Variants in KIF1A observed in about 807,000 individuals in gnomAD.
The protein encoded by KIF1A is kinesin-like protein KIF1A.
Under a neutral mutation model 227.3 loss-of-function variants are expected in KIF1A, and 46 were observed. The ratio of observed to expected loss-of-function variants is 0.20; its 90% CI spans 0.16 to 0.26. The LOEUF (loss-of-function observed/expected upper bound fraction) is 0.26, where lower values mean the gene tolerates loss of function less well. KIF1A is among the 10% of genes least tolerant of loss of function. The pLI is 1.00. For synonymous variants in KIF1A, 1,022 were observed against 1,012.8 expected, an observed-to-expected ratio of 1.01 and a Z score of -0.17; for missense variants, 1,683 against 2,485.9, an observed-to-expected ratio of 0.68 and a Z score of 6.87.
chr2:240,725,561 C>G lies in KIF1A; in HGVS notation c.4123-157G>C. On this transcript the variant is annotated intron_variant, in intron 39 of 48. Transcript: ENST00000498729. This position sits in a 1 kb window ranked among gnomAD's most constrained non-coding sequence, Gnocchi z 5.8. Reference sequence around the variant, plus strand: ...GGCCTGGACGCAGGCAGGAGAAAGTCTCTGCTCCTGCCCTCGAGAAAACCC... The same window carrying G: ...GGCCTGGACGCAGGCAGGAGAAAGTGTCTGCTCCTGCCCTCGAGAAAACCC... 2.7e-6 allele frequency: 2 copies of G among 738,514 alleles called. No individual in the cohort carries two copies. Among genetic ancestry groups the G allele is most frequent in the East Asian group, 5.5e-5 (2 of 36,414 alleles). The allele number at this position is 738,514 out of a possible 1,614,324, so 45.7% of individuals were successfully genotyped here. A position where few individuals can be genotyped will look rare whatever the true frequency, so the allele number is the denominator to read the frequency against.
chr2:240,779,544 ATAGTTCCACTCAGTTC>A (rs1559521097), intron 10 of KIF1A, among the ~76,000 whole-genome samples: 2 of 145,594 alleles, frequency 1.4e-5, no homozygotes, highest in African/African-American at 5.3e-5. Context: ...TCAGTTCCTC[ATAGTTCCACTCAGTTC>A]CTCACTCAGT....
At chr2:240,724,143 G>A in intron 40 of KIF1A, 107 bp from the exon 41 acceptor site, 2 of 978,548 alleles carry the variant, frequency 2.0e-6, no homozygotes, top group Non-Finnish European at 3.3e-6. Flanking sequence ...AGTCAGCCTG[G>A]CTGGGGTGAT....
chr2:240,719,251 C>G, intron 46 of KIF1A, 53 bp from the exon 47 acceptor site: 2 of 1,550,428 alleles, frequency 1.3e-6, no homozygotes, highest in Non-Finnish European at 1.7e-6. Flanking sequence ...CAGCGACTGA[C>G]TCGGGCACTC....
Position 240,782,913 on chromosome 2 carries a change from C to T in KIF1A, c.864+131G>A, listed in dbSNP as rs561974979. The T allele has an allele frequency of 1.0e-3, 807 of 795,754 alleles. 1 individual carries two copies. Among genetic ancestry groups the T allele is most frequent in the Non-Finnish European group, 1.5e-3 (683 of 459,388 alleles). 49.3% of individuals were successfully genotyped at this position (795,754 alleles called of 1,614,324 possible). On this transcript the variant is annotated intron_variant, in intron 9 of 48. Transcript: ENST00000498729. ...CTTCTCCAGCATGTGACACTCTGGCCATCTCCGGGCTCTCCCTTGAACCTG... is the reference window on the plus strand; with the variant it reads ...CTTCTCCAGCATGTGACACTCTGGCTATCTCCGGGCTCTCCCTTGAACCTG...
chr2:240,805,071 GCAGGGAGA>G (rs2057284366), intron 1 of KIF1A, among the ~76,000 whole-genome samples: 2 of 46,748 alleles, frequency 4.3e-5, no homozygotes, highest in African/African-American at 2.6e-4. Flanking sequence ...GAGGGAGAGG[GCAGGGAGA>G]GGGGAGGGAG....
At chr2:240,737,892 T>A (rs1425149290) in intron 37 of KIF1A, among the ~76,000 whole-genome samples, 2 of 152,206 alleles carry the variant, frequency 1.3e-5, no homozygotes, top group Non-Finnish European at 2.9e-5. Flanking sequence ...CCGCCATGCA[T>A]GGACAAGATA....
chr2:240,767,187 C>T (rs529471448), intron 18 of KIF1A, 79 bp downstream of exon 18: 131 of 1,286,002 alleles, frequency 1.0e-4, no homozygotes, highest in African/African-American at 7.6e-4. Context: ...TCTGCAGAAG[C>T]AGGAATGGGG....
rs1172858856 is a variant in KIF1A at position 240,746,189 on chromosome 2, G to A, written c.3064-12C>T. On this transcript the variant is annotated splice_polypyrimidine_tract_variant and intron_variant, in intron 29 of 48. Coordinates refer to ENST00000498729, the MANE Select transcript of KIF1A (RefSeq NM_001244008.2). ...GACTCGGACTGGAACTGATCAGAGG[G>A]GGACCAGAGTCAGAGAGAGCCAGGA... is the stretch of plus-strand genomic sequence containing the variant. 1 of 1,556,812 alleles carries A rather than the reference G, an allele frequency of 6.4e-7. No homozygotes were observed. Among genetic ancestry groups the A allele is most frequent in the South Asian group, 1.2e-5 (1 of 84,368 alleles).
At chr2:240,759,416 G>T (rs1256839680) in intron 25 of KIF1A, among the ~76,000 whole-genome samples, 2 of 152,012 alleles carry the variant, frequency 1.3e-5, no homozygotes, top group East Asian at 3.9e-4. Context: ...TATTCCCCCT[G>T]GCCTAAATCA....
chr2:240,722,835 C>T (rs915442415), intron 42 of KIF1A, among the ~76,000 whole-genome samples, 179 bp from the exon 43 acceptor site: 6 of 152,122 alleles, frequency 3.9e-5, no homozygotes, highest in Admixed American at 1.3e-4. Flanking sequence ...CCTGGCGCCC[C>T]GGGGCTGACA....
At chr2:240,720,008 A>G in intron 45 of KIF1A, 82 bp from the exon 46 acceptor site, 1 of 1,452,074 alleles carries the variant, frequency 6.9e-7, no homozygotes, top group Non-Finnish European at 9.2e-7. Flanking sequence ...CCCTCCTCAG[A>G]GCACCTCAGA....
chr2:240,747,385 G>A lies in KIF1A; in HGVS notation c.2978-64C>T, dbSNP rs961112972. 26 of 1,279,738 alleles carry A rather than the reference G, an allele frequency of 2.0e-5. No individual in the cohort carries two copies. The African/African-American group carries it at 3.7e-4, about 18-fold the overall frequency. The allele number at this position is 1,279,738 out of a possible 1,614,324, so 79.3% of individuals were successfully genotyped here. ...GTCCCCTGAGGTGGGTGTGGGCAGA[G>A]CCAGGCTGGGCCACCCCGCAGTCAA... On this transcript the variant is annotated intron_variant, in intron 28 of 48. Transcript: ENST00000498729.
At chr2:240,795,542 C>T (rs548939119) in intron 2 of KIF1A, among the ~76,000 whole-genome samples, 149 of 152,344 alleles carry the variant, frequency 9.8e-4, no homozygotes, top group Admixed American at 9.8e-4. Context: ...GGGTCTGGGC[C>T]GGCGCAGCCT....
chr2:240,796,372 C>T (rs1317723030), intron 2 of KIF1A, among the ~76,000 whole-genome samples: 5 of 152,204 alleles, frequency 3.3e-5, no homozygotes, highest in Admixed American at 2.0e-4. Context: ...CTGGGCAGGA[C>T]AACCGGTAGG....
At chr2:240,816,584 A>T (rs1424353438) in intron 1 of KIF1A, among the ~76,000 whole-genome samples, 2 of 152,170 alleles carry the variant, frequency 1.3e-5, no homozygotes, top group African/African-American at 4.8e-5. Flanking sequence ...CCCAAAGGTC[A>T]TCTGAATCCC....
chr2:240,747,603 C>T (rs959180008), intron 28 of KIF1A, among the ~76,000 whole-genome samples: 6 of 152,194 alleles, frequency 3.9e-5, no homozygotes, highest in African/African-American at 1.4e-4. Flanking sequence ...AAATCTTGCC[C>T]GCATTCCCAG....
chr2:240,719,048 A>T lies in KIF1A; in HGVS notation c.5172T>A (p.Thr1724=), dbSNP rs532926468. Residue 1724 remains threonine (T), a synonymous_variant, in exon 47 of 49, where the codon ACT becomes ACA. Coordinates refer to ENST00000498729, the MANE Select transcript of KIF1A (RefSeq NM_001244008.2). ...GGTCCTCACTGTACTCCACCTGGGCAGTGGCCAGGTTGAGCACGAACCGCT... is the reference window on the plus strand; with the variant it reads ...GGTCCTCACTGTACTCCACCTGGGCTGTGGCCAGGTTGAGCACGAACCGCT... ...TVERFVLNLA[T]AQVEYSEDQQ... is the part of the protein sequence containing the mutation. 2 of 1,611,920 alleles carry T rather than the reference A, an allele frequency of 1.2e-6. No homozygotes were observed. The highest frequency in any genetic ancestry group is 2.2e-5 in the East Asian group (1 of 44,788).
At chr2:240,817,373 T>A (rs2058407259) in intron 1 of KIF1A, among the ~76,000 whole-genome samples, 1 of 152,082 alleles carries the variant, frequency 6.6e-6, no homozygotes, top group East Asian at 1.9e-4. Context: ...GTGAGCCACA[T>A]CCTTTGGGCC....
chr2:240,732,782 GAGGGGATAAGGGA>G (rs2046880912), intron 38 of KIF1A, among the ~76,000 whole-genome samples: 1 of 17,704 alleles, frequency 5.6e-5, no homozygotes, highest in African/African-American at 3.0e-4. Context: ...GATAAGGGAT[GAGGGGATAAGGGA>G]TGAGGGGATG....
Sources: allele counts gnomAD v4.1 joint callset (sites outside exome capture counted in the v4.1 genomes callset), GRCh38; gene constraint gnomAD v4.1.1; non-coding constraint Gnocchi (gnomAD v3.1); transcripts MANE v1.5; gene names NCBI Gene and HGNC (gene_info 2026-07-23, HGNC 2026-07-21).